RIT2: variants seen among roughly 807,000 people sequenced by gnomAD.
The protein encoded by RIT2 is GTP-binding protein Rit2.
RIT2 carries 24 observed loss-of-function variants against 23.7 expected under a neutral mutation model. That is an observed-to-expected ratio of 1.01 (90% CI 0.73 to 1.43). The LOEUF (loss-of-function observed/expected upper bound fraction) is 1.43. RIT2 is among the 40% of genes most tolerant of loss of function. RIT2 has a pLI of 0.00. For synonymous variants in RIT2, 107 were observed against 91.1 expected, an observed-to-expected ratio of 1.17 and a Z score of -0.99; for missense variants, 236 against 266.9, an observed-to-expected ratio of 0.88 and a Z score of 0.81.
At chr18:42,760,648 A>G (rs1348196345) in intron 4 of RIT2, among the ~76,000 whole-genome samples, 3 of 152,194 alleles carry the variant, frequency 2.0e-5, no homozygotes, top group Non-Finnish European at 2.9e-5. Context: ...GCCACTTACT[A>G]GTTGAATGAC....
intron 1 of RIT2, among the ~76,000 whole-genome samples, chr18:43,106,451 C>T (rs1913824540): frequency 6.6e-6 from 1 of 152,206 alleles, no homozygotes; most frequent in Admixed American, 6.5e-5. Context: ...CCACCACCAC[C>T]ACAACTTCTC....
chr18:42,761,472 C>G (rs765277805), intron 4 of RIT2, among the ~76,000 whole-genome samples: 18 of 152,144 alleles, frequency 1.2e-4, no homozygotes, highest in Non-Finnish European at 1.8e-4. Flanking sequence ...CCTTTTATCT[C>G]TATGTCTCTT....
intron 4 of RIT2, among the ~76,000 whole-genome samples, chr18:42,746,003 C>A (rs1005187446): frequency 2.0e-5 from 3 of 152,046 alleles, no homozygotes; most frequent in Non-Finnish European, 4.4e-5. Context: ...TGCTAGACTG[C>A]TTTTTAGCAG....
intron 4 of RIT2, among the ~76,000 whole-genome samples, chr18:42,835,392 A>T (rs951640069): frequency 6.6e-6 from 1 of 152,078 alleles, no homozygotes; most frequent in Non-Finnish European, 1.5e-5. Flanking sequence ...TATTGTAAAA[A>T]ATATTTCTGG....
intron 4 of RIT2, among the ~76,000 whole-genome samples, chr18:42,875,318 CTT>C (rs200321494): frequency 6.1e-5 from 9 of 148,454 alleles, no homozygotes; most frequent in Non-Finnish European, 8.9e-5. Flanking sequence ...CAGTTGCCTT[CTT>C]TCTCTCTCTC....
chr18:42,880,070 A>G (rs958116651), intron 4 of RIT2, among the ~76,000 whole-genome samples: 1 of 152,166 alleles, frequency 6.6e-6, no homozygotes, highest in African/African-American at 2.4e-5. Flanking sequence ...CCCTTAAGGG[A>G]TCTGGTGTCC....
intron 2 of RIT2, among the ~76,000 whole-genome samples, chr18:43,019,090 A>T (rs552567088): frequency 1.3e-5 from 2 of 152,166 alleles, no homozygotes; most frequent in Admixed American, 1.3e-4. Flanking sequence ...CACTTAAAAG[A>T]TATAGACTGG....
chr18:42,903,793 G>A lies in RIT2; in HGVS notation c.426+19779C>T, dbSNP rs28621701. On this transcript the variant is annotated intron_variant, in intron 4 of 4. Coordinates refer to ENST00000326695, the MANE Select transcript of RIT2 (RefSeq NM_002930.4). ...GTCATTCTTACCTTGATGCCAAAAT[G>A]GACAGGAAGAATCCAACAATGGAAG... is the stretch of plus-strand genomic sequence containing the variant. Among the ~76,000 whole-genome samples the A allele has an allele frequency of 5.5e-3, 832 of 152,040 alleles. 8 individuals carry two copies. The highest frequency in any genetic ancestry group is 0.019 in the African/African-American group (798 of 41,492).
At chr18:42,780,482 TC>T (rs1913785587) in intron 4 of RIT2, among the ~76,000 whole-genome samples, 1 of 152,150 alleles carries the variant, frequency 6.6e-6, no homozygotes, top group African/African-American at 2.4e-5. Context: ...TGTCAGACTC[TC>T]TGGAAAAGAC....
intron 4 of RIT2, among the ~76,000 whole-genome samples, chr18:42,766,105 T>C (rs797003401): frequency 6.6e-6 from 1 of 152,264 alleles, no homozygotes; most frequent in African/African-American, 2.4e-5. Flanking sequence ...TACAGTAAAT[T>C]GGTACCAGTA....
intron 1 of RIT2, among the ~76,000 whole-genome samples, chr18:43,104,536 A>G (rs1346227663): frequency 2.0e-5 from 3 of 152,190 alleles, no homozygotes; most frequent in Non-Finnish European, 4.4e-5. Flanking sequence ...ACATAAATAC[A>G]TATGATTATT....
chr18:42,919,480 G>A (rs1234280476), intron 4 of RIT2, among the ~76,000 whole-genome samples: 4 of 152,086 alleles, frequency 2.6e-5, no homozygotes, highest in African/African-American at 4.8e-5. Flanking sequence ...TTGGGCAGCC[G>A]AGGCTGGAGG....
intron 4 of RIT2, among the ~76,000 whole-genome samples, chr18:42,761,143 T>G (rs1002637012): frequency 3.3e-5 from 5 of 152,246 alleles, no homozygotes; most frequent in African/African-American, 9.6e-5. Context: ...CTTGTTGTTT[T>G]CCCATATGTT....
intron 4 of RIT2, among the ~76,000 whole-genome samples, chr18:42,794,943 G>GA (rs932867696): frequency 9.2e-5 from 14 of 152,100 alleles, no homozygotes; most frequent in African/African-American, 2.9e-4. Context: ...TCTTTTCCAT[G>GA]AAAAAAATCT....
chr18:42,787,577 C>T (rs1219519376), intron 4 of RIT2, among the ~76,000 whole-genome samples: 5 of 152,108 alleles, frequency 3.3e-5, no homozygotes, highest in African/African-American at 9.7e-5. Context: ...TTAGCAGGTT[C>T]GGAGTCAATG....
At chr18:43,111,439 A>G (rs1163181190) in intron 1 of RIT2, among the ~76,000 whole-genome samples, 1 of 152,042 alleles carries the variant, frequency 6.6e-6, no homozygotes, top group Non-Finnish European at 1.5e-5. Flanking sequence ...AAATAACAAA[A>G]AAGTATAATG....
At chr18:42,849,416 T>G (rs1331309308) in intron 4 of RIT2, among the ~76,000 whole-genome samples, 1 of 152,176 alleles carries the variant, frequency 6.6e-6, no homozygotes, top group Admixed American at 6.5e-5. Context: ...TAGTGCCACT[T>G]ATGTACTGTA....
chr18:42,958,671 G>A (rs1228099740), intron 3 of RIT2, among the ~76,000 whole-genome samples: 18 of 152,068 alleles, frequency 1.2e-4, no homozygotes, highest in African/African-American at 2.4e-4. Flanking sequence ...CCAGACCAGC[G>A]ATACTGCCAA....
intron 4 of RIT2, among the ~76,000 whole-genome samples, chr18:42,890,061 G>A (rs1361859148): frequency 6.6e-6 from 1 of 151,910 alleles, no homozygotes; most frequent in East Asian, 1.9e-4. Context: ...GCATTATGTT[G>A]TAATATAAGA....
Sources: allele counts gnomAD v4.1 joint callset (sites outside exome capture counted in the v4.1 genomes callset), GRCh38; gene constraint gnomAD v4.1.1; transcripts MANE v1.5; gene names NCBI Gene and HGNC (gene_info 2026-07-23, HGNC 2026-07-21).